The following ZC3H15 variants were observed in gnomAD, a reference collection of about 807,000 sequenced individuals.
The protein encoded by ZC3H15 is zinc finger CCCH-type containing 15.
Under a neutral mutation model 51.2 loss-of-function variants are expected in ZC3H15, and 15 were observed. The observed-to-expected ratio is 0.29, with a 90% CI of 0.20 to 0.45. The LOEUF is 0.45. Among genes scored for constraint, ZC3H15 ranks in the 20% least tolerant of loss-of-function variants. ZC3H15 has a pLI of 1.00. For missense variants in ZC3H15, 381 were observed against 494.7 expected (o/e 0.77, Z 2.18); for synonymous variants, 144 against 162.8 (o/e 0.88, Z 0.88).
intron 3 of ZC3H15, chr2:186,500,496 C>T (rs1245421842): frequency 3.1e-5 from 20 of 655,192 alleles, no homozygotes; most frequent in Non-Finnish European, 4.8e-5. Flanking sequence ...AGCTGAACTG[C>T]AGCCATGCAC....
intron 1 of ZC3H15, chr2:186,487,143 CGTGTATATATGTATACATCTATGTGT>C (rs1685110237): frequency 6.6e-6 from 1 of 151,870 alleles, no homozygotes; most frequent in Admixed American, 6.6e-5. Context: ...TGTGTGTGCG[CGTGTATATATGTATACATCTATGTGT>C]GTGTATATGT....
intron 2 of ZC3H15, chr2:186,499,578 C>T (rs1559010449): frequency 2.2e-6 from 1 of 456,152 alleles, no homozygotes; most frequent in South Asian, 1.6e-5. Context: ...TTTAAATAAG[C>T]ATCTTTGTCT....
rs1029594731 is a variant in ZC3H15, at chr2:186,508,871, G to T, written c.*138G>T. On this transcript the variant is annotated 3_prime_UTR_variant, in exon 10 of 10. Coordinates refer to ENST00000337859, the MANE Select transcript of ZC3H15 (RefSeq NM_018471.3). ...GAGGAGTTAACCTCCTGCAAAAAAGGCATCTTGTCCCTACATCTTCTCTTC... is the reference window on the plus strand; with the variant it reads ...GAGGAGTTAACCTCCTGCAAAAAAGTCATCTTGTCCCTACATCTTCTCTTC... 7 of 889,324 alleles carry T rather than the reference G, an allele frequency of 7.9e-6. No homozygotes were observed. Among genetic ancestry groups the T allele is most frequent in the Admixed American group, 7.5e-5 (3 of 40,018 alleles). 55.1% of individuals were successfully genotyped at this position (889,324 alleles called of 1,614,324 possible).
At chr2:186,503,279 G>C (rs1246201543) in intron 5 of ZC3H15, among the ~76,000 whole-genome samples, 1 of 152,150 alleles carries the variant, frequency 6.6e-6, no homozygotes. Flanking sequence ...ATGTTGTGAA[G>C]GGTCACTCTC....
At chr2:186,488,608 A>G (rs1195448607) in intron 1 of ZC3H15, 2 of 152,244 alleles carry the variant, frequency 1.3e-5, no homozygotes, top group Non-Finnish European at 2.9e-5. Context: ...AGACGTTATA[A>G]TTGACGCTTG....
chr2:186,495,434 A>T, intron 2 of ZC3H15, 100 bp downstream of exon 2: 2 of 817,874 alleles, frequency 2.4e-6, no homozygotes, highest in Non-Finnish European at 3.5e-6. Flanking sequence ...TGTATTTCAA[A>T]ACAGAATCCT....
intron 2 of ZC3H15, among the ~76,000 whole-genome samples, chr2:186,495,892 C>T (rs1471909369): frequency 5.3e-5 from 8 of 152,186 alleles, no homozygotes; most frequent in South Asian, 2.1e-4. Context: ...TTGTTTCCCT[C>T]GCTACTGGAG....
Position 186,486,262 on chromosome 2 carries a change from C to A in ZC3H15, c.-121C>A. 8.4e-7 allele frequency: 1 copy of A among 1,185,536 alleles called. No homozygotes were observed. The highest frequency in any genetic ancestry group is 1.1e-6 in the Non-Finnish European group (1 of 881,938). The allele number at this position is 1,185,536 out of a possible 1,614,324, so 73.4% of individuals were successfully genotyped here. ...CCGCGTTTGCGGGGCCAATGAGCGA[C>A]TCGCTTTCCGTGCGGTGCGGCGAGT... On this transcript the variant is annotated 5_prime_UTR_variant, in exon 1 of 10. Coordinates refer to ENST00000337859, the MANE Select transcript of ZC3H15 (RefSeq NM_018471.3).
intron 9 of ZC3H15, among the ~76,000 whole-genome samples, chr2:186,507,693 G>A (rs1321378111): frequency 2.0e-5 from 3 of 152,292 alleles, no homozygotes; most frequent in Admixed American, 2.0e-4. Context: ...TAAGGCAAAA[G>A]CTGAGACAGA....
At chr2:186,503,003 A>T (rs1369594179) in intron 5 of ZC3H15, among the ~76,000 whole-genome samples, 2 of 152,184 alleles carry the variant, frequency 1.3e-5, no homozygotes, top group Admixed American at 6.5e-5. Context: ...CTACATATGA[A>T]TTCCAAAATG....
intron 1 of ZC3H15, chr2:186,489,039 A>G (rs570533539): frequency 4.7e-4 from 76 of 161,606 alleles, no homozygotes; most frequent in African/African-American, 1.7e-3. Flanking sequence ...AAGATGTTCA[A>G]ATATTCCATT....
rs1222149497 is a variant in ZC3H15, at chr2:186,502,538, T to G, written c.485T>G (p.Val162Gly). 1 of 1,613,082 alleles carries G rather than the reference T, an allele frequency of 6.2e-7. No individual in the cohort carries two copies. Among genetic ancestry groups the G allele is most frequent in the Non-Finnish European group, 8.5e-7 (1 of 1,179,594 alleles). The change falls in exon 5 of 10, where the codon GTG (valine) becomes GGG (glycine). Residue 162 changes from valine (V) to glycine (G), a missense_variant. This residue lies in a region of ZC3H15 where 41 missense variants were observed against 86.5 expected (regional missense o/e 0.47). Transcript: ENST00000337859. Reference sequence around the variant, plus strand: ...GATGAGAAAAAGCTGGAAGAAGTAGTGAACAAGAAGCACGGTGAGGCGGAA... The same window carrying G: ...GATGAGAAAAAGCTGGAAGAAGTAGGGAACAAGAAGCACGGTGAGGCGGAA... ...NWDEKKLEEVVNKKHGEAEKK... is the reference protein window; with the variant it reads ...NWDEKKLEEVGNKKHGEAEKK...
chr2:186,504,253 A>G (rs773620683), intron 6 of ZC3H15, 39 bp downstream of exon 6: 2 of 1,494,390 alleles, frequency 1.3e-6, no homozygotes, highest in Non-Finnish European at 1.8e-6. Context: ...AACTGAAAGC[A>G]GTATTTATTG....
chr2:186,506,932 G>A, intron 9 of ZC3H15, 96 bp downstream of exon 9: 1 of 1,312,536 alleles, frequency 7.6e-7, no homozygotes, highest in Non-Finnish European at 1.0e-6. Context: ...GCAGGTACCA[G>A]ATTGGTAACA....
Position 186,508,807 on chromosome 2 carries a change from C to T in ZC3H15, c.*74C>T, listed in dbSNP as rs182654681. On this transcript the variant is annotated 3_prime_UTR_variant, in exon 10 of 10. Coordinates refer to ENST00000337859, the MANE Select transcript of ZC3H15 (RefSeq NM_018471.3). ...ATTGACTACATTAATTTCTTTCCAC[C>T]TAGAATCAACAGGATGTTTATTTCC... 3.7e-5 allele frequency: 54 copies of T among 1,476,586 alleles called. No individual in the cohort carries two copies. In the African/African-American group the frequency reaches 7.0e-4, roughly 19 times the overall value. The allele number at this position is 1,476,586 out of a possible 1,614,324, so 91.5% of individuals were successfully genotyped here.
chr2:186,498,965 A>G (rs567654112), intron 2 of ZC3H15, among the ~76,000 whole-genome samples: 1 of 152,308 alleles, frequency 6.6e-6, no homozygotes, highest in African/African-American at 2.4e-5. Context: ...CTTTGTAAGC[A>G]TCTTGCACTC....
chr2:186,505,431 T>G lies in ZC3H15; in HGVS notation c.718-20T>G. 6.6e-7 allele frequency: 1 copy of G among 1,514,148 alleles called. No individual in the cohort carries two copies. The highest frequency in any genetic ancestry group is 2.3e-5 in the East Asian group (1 of 43,780). 93.8% of individuals were successfully genotyped at this position (1,514,148 alleles called of 1,614,324 possible). ...TGAGGTGACTTCTGTGGAAAAAAAA[T>G]TAATTCTTTACCATTGCAGCGTTCT... On this transcript the variant is annotated intron_variant, in intron 6 of 9. Transcript: ENST00000337859.
At chr2:186,501,767 A>G (rs1212892119) in intron 4 of ZC3H15, among the ~76,000 whole-genome samples, 1 of 150,994 alleles carries the variant, frequency 6.6e-6, no homozygotes, top group Non-Finnish European at 1.5e-5. Flanking sequence ...ACTGGAGTGC[A>G]GTGGCACGAT....
rs779710767 is a variant in ZC3H15 at position 186,495,282 on chromosome 2, T to C, written c.125T>C (p.Phe42Ser). The change falls in exon 2 of 10, where the codon TTT becomes TCT. Residue 42 changes from phenylalanine (F) to serine (S), a missense_variant. Around this residue, in one of 3 missense-constraint regions of ZC3H15, gnomAD observed 125 missense variants for 166.3 expected, o/e 0.75. Coordinates refer to ENST00000337859, the MANE Select transcript of ZC3H15 (RefSeq NM_018471.3). ...AAGAAAGGAGCAAAGCAACAGAAGTTTATCAAGGCTGTCACACATCAAGTT... is the reference window on the plus strand; with the variant it reads ...AAGAAAGGAGCAAAGCAACAGAAGTCTATCAAGGCTGTCACACATCAAGTT... Reference protein sequence around the residue: ...KNKKGAKQQKFIKAVTHQVKF... With the variant: ...KNKKGAKQQKSIKAVTHQVKF... 1 of 1,556,478 alleles carries C rather than the reference T, an allele frequency of 6.4e-7. No individual in the cohort carries two copies. Among genetic ancestry groups the C allele is most frequent in the Non-Finnish European group, 8.6e-7 (1 of 1,156,220 alleles).
Sources: allele counts gnomAD v4.1 joint callset (sites outside exome capture counted in the v4.1 genomes callset), GRCh38; gene constraint gnomAD v4.1.1; regional missense constraint gnomAD v4.1.1; transcripts MANE v1.5; gene names NCBI Gene and HGNC (gene_info 2026-07-23, HGNC 2026-07-21).